Variants in XKR4 observed in about 807,000 individuals in gnomAD.
The protein encoded by XKR4 is XK-related protein 4.
XKR4 carries 12 observed loss-of-function variants against 53.9 expected under a neutral mutation model. That is an observed-to-expected ratio of 0.22 (90% CI 0.14 to 0.36). The LOEUF (loss-of-function observed/expected upper bound fraction) is 0.36. Among genes scored for constraint, XKR4 ranks in the 10% least tolerant of loss-of-function variants. XKR4 has a pLI of 1.00. For missense variants in XKR4, 799 were observed against 859.5 expected (o/e 0.93, Z 0.88); for synonymous variants, 354 against 362.4 (o/e 0.98, Z 0.26).
chr8:55,172,879 C>T (rs2129358703), intron 1 of XKR4, among the ~76,000 whole-genome samples: 1 of 152,208 alleles, frequency 6.6e-6, no homozygotes, highest in African/African-American at 2.4e-5. Context: ...GACGTATGAC[C>T]CCTTGAGTTT....
intron 2 of XKR4, among the ~76,000 whole-genome samples, chr8:55,498,185 A>G (rs560517405): frequency 4.6e-5 from 7 of 152,324 alleles, no homozygotes; most frequent in African/African-American, 1.7e-4. Flanking sequence ...TCAGCCTCCC[A>G]TGGCCTAACC....
intron 2 of XKR4, among the ~76,000 whole-genome samples, chr8:55,410,489 C>T (rs959775275): frequency 3.3e-5 from 5 of 152,244 alleles, no homozygotes; most frequent in African/African-American, 1.2e-4. Flanking sequence ...CAGAGTCTCT[C>T]CTTCCCTGGG....
intron 1 of XKR4, among the ~76,000 whole-genome samples, chr8:55,253,905 G>A (rs1383368169): frequency 6.6e-6 from 1 of 151,782 alleles, no homozygotes; most frequent in Admixed American, 6.6e-5. Flanking sequence ...GTTTCTTGTG[G>A]AGGCAGAGTT....
chr8:55,145,138 C>T (rs1454231895), intron 1 of XKR4, among the ~76,000 whole-genome samples: 1 of 152,072 alleles, frequency 6.6e-6, no homozygotes, highest in African/African-American at 2.4e-5. Context: ...GGCCTAGTAC[C>T]ACTATTTTTT....
intron 2 of XKR4, among the ~76,000 whole-genome samples, chr8:55,374,110 GCTACACA>G (rs1804113869): frequency 6.6e-6 from 1 of 152,208 alleles, no homozygotes; most frequent in Non-Finnish European, 1.5e-5. Flanking sequence ...TTCTCATCCA[GCTACACA>G]CCTCCCAAAG....
At chr8:55,327,932 G>C (rs184880899) in intron 1 of XKR4, among the ~76,000 whole-genome samples, 1 of 152,174 alleles carries the variant, frequency 6.6e-6, no homozygotes, top group Non-Finnish European at 1.5e-5. Context: ...TGATAAAAAT[G>C]CTAGTATCTA....
chr8:55,458,477 A>T (rs1283970485), intron 2 of XKR4, among the ~76,000 whole-genome samples: 4 of 152,234 alleles, frequency 2.6e-5, no homozygotes, highest in African/African-American at 9.6e-5. Flanking sequence ...TAAGTATTAG[A>T]CAGCTCAGTG....
intron 2 of XKR4, chr8:55,520,807 T>A (rs1009857218): frequency 2.0e-5 from 3 of 152,504 alleles, no homozygotes; most frequent in African/African-American, 7.2e-5. Flanking sequence ...AATTACTCTT[T>A]TAGGACACGC....
intron 2 of XKR4, among the ~76,000 whole-genome samples, chr8:55,511,507 C>A (rs1212048200): frequency 6.6e-6 from 1 of 152,048 alleles, no homozygotes; most frequent in African/African-American, 2.4e-5. Flanking sequence ...TCGGGAGGAA[C>A]CCCCACATAT....
At chr8:55,152,731 T>C (rs1041454727) in intron 1 of XKR4, among the ~76,000 whole-genome samples, 3 of 152,180 alleles carry the variant, frequency 2.0e-5, no homozygotes, top group African/African-American at 4.8e-5. Context: ...ATCAACTGAT[T>C]TGTTTTGCTC....
intron 2 of XKR4, among the ~76,000 whole-genome samples, chr8:55,371,090 G>A (rs560211663): frequency 1.2e-4 from 18 of 148,386 alleles, no homozygotes; most frequent in African/African-American, 4.5e-4. Context: ...TATGCAAAAT[G>A]GTACAAGGGA....
chr8:55,323,362 C>A (rs921517543), intron 1 of XKR4, among the ~76,000 whole-genome samples: 1 of 152,216 alleles, frequency 6.6e-6, no homozygotes, highest in African/African-American at 2.4e-5. Flanking sequence ...CTAACCCCAA[C>A]TCTTGCCCTT....
chr8:55,154,186 C>T (rs535390324), intron 1 of XKR4, among the ~76,000 whole-genome samples: 9 of 152,196 alleles, frequency 5.9e-5, no homozygotes, highest in East Asian at 1.9e-4. Context: ...AATCTGTTTT[C>T]GGAATCTGTT....
At chr8:55,520,532 G>A (rs1299034780) in intron 2 of XKR4, among the ~76,000 whole-genome samples, 1 of 152,188 alleles carries the variant, frequency 6.6e-6, no homozygotes, top group African/African-American at 2.4e-5. Flanking sequence ...GCTACAGTAA[G>A]CTGAGATCGT....
intron 1 of XKR4, among the ~76,000 whole-genome samples, chr8:55,126,337 G>A (rs187928959): frequency 6.6e-6 from 1 of 152,292 alleles, no homozygotes; most frequent in East Asian, 1.9e-4. Context: ...GTCCTCCTTT[G>A]AGCAGCAGGT....
chr8:55,381,837 T>C (rs1804238415), intron 2 of XKR4, among the ~76,000 whole-genome samples: 1 of 152,244 alleles, frequency 6.6e-6, no homozygotes, highest in African/African-American at 2.4e-5. Context: ...CTTCCCCCTC[T>C]ATCACATCTC....
At chr8:55,310,189 A>G (rs1819368074) in intron 1 of XKR4, among the ~76,000 whole-genome samples, 1 of 152,202 alleles carries the variant, frequency 6.6e-6, no homozygotes, top group African/African-American at 2.4e-5. Flanking sequence ...GAACTTAAAA[A>G]TATATTTCTT....
At chr8:55,458,834 A>G (rs1181740558) in intron 2 of XKR4, among the ~76,000 whole-genome samples, 1 of 151,986 alleles carries the variant, frequency 6.6e-6, no homozygotes, top group African/African-American at 2.4e-5. Context: ...TAGGGTTTAT[A>G]TGGGTGCAGG....
At chr8:55,357,429 G>A (rs915688278) in intron 1 of XKR4, among the ~76,000 whole-genome samples, 3 of 152,126 alleles carry the variant, frequency 2.0e-5, no homozygotes, top group African/African-American at 4.8e-5. Context: ...TCCACCTCAC[G>A]CTTCTTCATA....
Sources: gnomAD v4.1 joint callset for allele counts (sites outside exome capture counted in the v4.1 genomes callset) on GRCh38, gnomAD v4.1.1 for gene constraint, MANE v1.5 for transcripts, NCBI Gene and HGNC (gene_info 2026-07-23, HGNC 2026-07-21) for gene names.